Variants in ZP2 observed in about 807,000 individuals in gnomAD.
The protein encoded by ZP2 is zona pellucida sperm-binding protein 2.
ZP2 carries 51 observed loss-of-function variants against 84.0 expected under a neutral mutation model. That is an observed-to-expected ratio of 0.61 (90% CI 0.49 to 0.77). The LOEUF (loss-of-function observed/expected upper bound fraction) is 0.77, where lower values mean the gene tolerates loss of function less well. Among genes scored for constraint, ZP2 ranks in the 30% least tolerant of loss-of-function variants. The probability of loss-of-function intolerance (pLI) is 0.00; values close to 1 mark genes in which losing one functional copy is unlikely to be tolerated. For synonymous variants in ZP2, 375 were observed against 330.9 expected (o/e 1.13, Z -1.45); for missense variants, 909 against 911.9 (o/e 1.00, Z 0.04).
rs377628341 is a variant in ZP2 at position 21,209,757 on chromosome 16, G to A, written c.236-32C>T. 1.1e-5 allele frequency: 17 copies of A among 1,592,790 alleles called. No homozygotes were observed. In the African/African-American group the frequency reaches 2.3e-4, roughly 21 times the overall value. On this transcript the variant is annotated intron_variant, in intron 3 of 18. Transcript: ENST00000574091. ...AGGCCAGAGCAGGTTAGACAGGATG[G>A]CTGAGTACATTTCAGTGACAGTCCA... is the stretch of plus-strand genomic sequence containing the variant.
upstream of ZP2, among the ~76,000 whole-genome samples, chr16:21,213,603 C>T (rs950005463): frequency 6.6e-6 from 1 of 152,134 alleles, no homozygotes; most frequent in African/African-American, 2.4e-5. Flanking sequence ...ACGAGCACCA[C>T]AGGTGATTCT....
chr16:21,198,994 G>T, intron 16 of ZP2, 132 bp from the exon 17 acceptor site: 1 of 795,610 alleles, frequency 1.3e-6, no homozygotes, highest in Non-Finnish European at 2.1e-6. Flanking sequence ...TTGCAGGCGA[G>T]GTTATGCCCT....
intron 2 of ZP2, among the ~76,000 whole-genome samples, chr16:21,210,569 CTTTTA>C (rs924781766): frequency 1.3e-5 from 2 of 151,848 alleles, no homozygotes; most frequent in South Asian, 2.1e-4. Context: ...AGTCCCAGGA[CTTTTA>C]TTTATTTATT....
chr16:21,206,775 G>GATC, intron 5 of ZP2, 63 bp downstream of exon 5: 1 of 1,600,546 alleles, frequency 6.2e-7, no homozygotes, highest in Non-Finnish European at 8.5e-7. Context: ...GCCCTGGTTA[G>GATC]ATCATCATCA....
intron 7 of ZP2, 146 bp from the exon 8 acceptor site, chr16:21,204,550 G>T (rs1026671028): frequency 1.5e-6 from 1 of 670,708 alleles, no homozygotes; most frequent in Admixed American, 2.8e-5. Context: ...TGACTAATTT[G>T]TCTAATCTGG....
intron 14 of ZP2, among the ~76,000 whole-genome samples, chr16:21,200,239 A>G (rs1597583202): frequency 6.6e-6 from 1 of 152,144 alleles, no homozygotes; most frequent in Admixed American, 6.5e-5. Context: ...GGAGTCTAAG[A>G]CCAGCCTGGC....
Position 21,204,091 on chromosome 16 carries a change from A to C in ZP2, c.911T>G (p.Ile304Ser). The C allele has an allele frequency of 6.2e-7, 1 of 1,614,188 alleles. No individual in the cohort carries two copies. Among genetic ancestry groups the C allele is most frequent in the Non-Finnish European group, 8.5e-7 (1 of 1,180,028 alleles). ...IDVSQLHDNG[I>S]DLEATNGMKL... ...CATGCCATTTGTTGCTTCTAGATCAATTCCATTGTCATGCAGCTGGCTCAC... is the reference window on the plus strand; with the variant it reads ...CATGCCATTTGTTGCTTCTAGATCACTTCCATTGTCATGCAGCTGGCTCAC... Residue 304 changes from isoleucine to serine, a missense_variant, in exon 9 of 19, where the codon ATT becomes AGT. By Grantham distance (142) the Ile-to-Ser change is moderately radical (BLOSUM62 -2). Transcript: ENST00000574091.
intron 10 of ZP2, 32 bp downstream of exon 10, chr16:21,203,093 G>C: frequency 1.2e-6 from 2 of 1,604,824 alleles, no homozygotes; most frequent in Non-Finnish European, 8.5e-7. Flanking sequence ...GGAGAAAAAA[G>C]GTAGAACATG....
Position 21,206,987 on chromosome 16 carries a change from C to G in ZP2, c.334G>C (p.Gly112Arg). Residue 112 changes from glycine to arginine, a missense_variant, in exon 5 of 19, where the codon GGT (glycine) becomes CGT (arginine). Transcript: ENST00000574091. ...ACTCTGATGGTCATCTGGTGTCCAC[C>G]ATGCTGTGTACAGATAGCACAGTGG... is the stretch of plus-strand genomic sequence containing the variant. ...TYDNCTRRVH[G>R]GHQMTIRVMN... 1 of 1,614,066 alleles carries G rather than the reference C, an allele frequency of 6.2e-7. No individual in the cohort carries two copies. Among genetic ancestry groups the G allele is most frequent in the Non-Finnish European group, 8.5e-7 (1 of 1,179,994 alleles).
intron 9 of ZP2, 78 bp from the exon 10 acceptor site, chr16:21,203,329 C>T: frequency 1.3e-6 from 2 of 1,580,806 alleles, no homozygotes; most frequent in South Asian, 1.1e-5. Context: ...GAAGCAAGTC[C>T]ACTAAATACT....
At chr16:21,208,933 G>A (rs890485136) in intron 4 of ZP2, among the ~76,000 whole-genome samples, 1 of 152,182 alleles carries the variant, frequency 6.6e-6, no homozygotes, top group African/African-American at 2.4e-5. Context: ...AATTACACCT[G>A]ATTAGTGGTA....
At chr16:21,199,541 T>C in intron 16 of ZP2, 29 bp downstream of exon 16, 1 of 1,535,132 alleles carries the variant, frequency 6.5e-7, no homozygotes, top group Non-Finnish European at 8.8e-7. Flanking sequence ...TGAATTAGAC[T>C]CACAGAAACA....
At chr16:21,211,618 C>A (rs761488242), upstream of ZP2, 1 of 1,611,454 alleles carries the variant, frequency 6.2e-7, no homozygotes. Context: ...GGAAGCCAGC[C>A]GCATCCACAC....
intron 12 of ZP2, 35 bp from the exon 13 acceptor site, chr16:21,201,865 A>G (rs767570267): frequency 9.9e-6 from 16 of 1,612,818 alleles, no homozygotes; most frequent in Admixed American, 1.7e-5. Context: ...GGTACAGAAA[A>G]TTTCAGGTTA....
At position 21,210,209 on chromosome 16, in the gene ZP2, G is replaced by A. The variant is rs751151412; in HGVS notation, c.152-17C>T. The A allele has an allele frequency of 6.8e-6, 11 of 1,606,580 alleles. No homozygotes were observed. In the African/African-American group the frequency reaches 1.3e-4, roughly 20 times the overall value. ...TGACAGTGCCTAAGGAGCAAAGGAAGCATTTGGGGGCTTTGAGTCATGAGT... is the reference window on the plus strand; with the variant it reads ...TGACAGTGCCTAAGGAGCAAAGGAAACATTTGGGGGCTTTGAGTCATGAGT... On this transcript the variant is annotated splice_polypyrimidine_tract_variant and intron_variant, in intron 2 of 18. Coordinates refer to ENST00000574091, the MANE Select transcript of ZP2 (RefSeq NM_001376232.1).
At chr16:21,199,516 A>G in intron 16 of ZP2, 54 bp downstream of exon 16, 1 of 1,431,980 alleles carries the variant, frequency 7.0e-7, no homozygotes, top group Non-Finnish European at 9.4e-7. Flanking sequence ...TATTCTAAAA[A>G]GTTGATACTT....
Position 21,206,962 on chromosome 16 carries a change from A to G in ZP2, c.359T>C (p.Val120Ala). Residue 120 changes from valine (V) to alanine (A), a missense_variant, in exon 5 of 19, where the codon GTC (valine) becomes GCC (alanine). Val to Ala is a moderately conservative substitution (Grantham distance 64). Coordinates refer to ENST00000574091, the MANE Select transcript of ZP2 (RefSeq NM_001376232.1). Reference protein sequence around the residue: ...VHGGHQMTIRVMNNSAALRHG... With the variant: ...VHGGHQMTIRAMNNSAALRHG... ...TCTTAAGGCAGCACTGTTGTTCATG[A>G]CTCTGATGGTCATCTGGTGTCCACC... is the stretch of plus-strand genomic sequence containing the variant. 6.2e-7 allele frequency: 1 copy of G among 1,614,002 alleles called. No homozygotes were observed. Among genetic ancestry groups the G allele is most frequent in the East Asian group, 2.2e-5 (1 of 44,868 alleles).
Position 21,206,856 on chromosome 16 carries a change from G to C in ZP2, c.465C>G (p.Cys155Trp). ...ETQGLSASTI[C>W]QKDFMSFSLP... ...CACTCACAGACATGAAATCCTTCTG[G>C]CAGATTGTAGATGCTGAAAGCCCCT... Residue 155 changes from cysteine (C) to tryptophan (W), a missense_variant, in exon 5 of 19, where the codon TGC becomes TGG. Coordinates refer to ENST00000574091, the MANE Select transcript of ZP2 (RefSeq NM_001376232.1). The C allele has an allele frequency of 6.2e-7, 1 of 1,614,074 alleles. No homozygotes were observed. Among genetic ancestry groups the C allele is most frequent in the Non-Finnish European group, 8.5e-7 (1 of 1,179,974 alleles).
chr16:21,198,029 C>G (rs2093207620), intron 17 of ZP2, 180 bp from the exon 18 acceptor site: 2 of 575,934 alleles, frequency 3.5e-6, no homozygotes, highest in Non-Finnish European at 6.2e-6. Flanking sequence ...TGCACATGCT[C>G]TGACCTAATC....
Sources: allele counts gnomAD v4.1 joint callset (sites outside exome capture counted in the v4.1 genomes callset), GRCh38; gene constraint gnomAD v4.1.1; transcripts MANE v1.5; gene names NCBI Gene and HGNC (gene_info 2026-07-23, HGNC 2026-07-21).